Variants in PCDH15 observed in about 807,000 individuals in gnomAD.
PCDH15 encodes the protein protocadherin related 15, also known as protocadherin-15.
PCDH15 carries 129 observed loss-of-function variants against 178.5 expected under a neutral mutation model. The ratio of observed to expected loss-of-function variants is 0.72; its 90% CI spans 0.63 to 0.84. The LOEUF (loss-of-function observed/expected upper bound fraction) is 0.84. Ranked by LOEUF, PCDH15 falls within the 40% of genes least tolerant of loss-of-function variation. The probability of loss-of-function intolerance (pLI) is 0.00; values close to 1 mark genes in which losing one functional copy is unlikely to be tolerated. For missense variants in PCDH15, 2,230 were observed against 2,099.9 expected, an observed-to-expected ratio of 1.06 and a Z score of -1.21; for synonymous variants, 800 against 732.0, an observed-to-expected ratio of 1.09 and a Z score of -1.50.
At chr10:54,708,992 T>C (rs561254852) in intron 1 of PCDH15, among the ~76,000 whole-genome samples, 1 of 152,292 alleles carries the variant, frequency 6.6e-6, no homozygotes, top group East Asian at 1.9e-4. Context: ...GAGTTAGACA[T>C]CATGTTGTAA....
chr10:54,177,380 T>G (rs1263119431), intron 13 of PCDH15, among the ~76,000 whole-genome samples: 1 of 152,048 alleles, frequency 6.6e-6, no homozygotes, highest in Non-Finnish European at 1.5e-5. Context: ...TACAAAACCA[T>G]AAAATGAAGC....
rs12569578 is a variant in PCDH15 at position 55,408,518 on chromosome 10, T to C, written c.-156+219107A>G. The stretch of plus-strand genomic sequence containing the variant: ...ATTCTAAATTTGGTAAAGAACAATA[T>C]GAGACAAAGGAAAACACAGGCTCAA... On this transcript the variant is annotated intron_variant, in intron 2 of 5. Coordinates refer to the PCDH15 transcript ENST00000613346. 2.7e-3 allele frequency among the ~76,000 whole-genome samples: 413 copies of C among 152,208 alleles called. 9 individuals are homozygous for C. The East Asian group carries it at 0.049, about 18-fold the overall frequency.
intron 2 of PCDH15, among the ~76,000 whole-genome samples, chr10:54,950,153 T>C (rs1838301534): frequency 1.3e-5 from 2 of 152,020 alleles, no homozygotes; most frequent in South Asian, 4.1e-4. Context: ...GGGTAATTTA[T>C]AAAGAAAAGA....
chr10:53,859,462 T>C (rs1290968855), intron 27 of PCDH15, among the ~76,000 whole-genome samples: 1 of 152,156 alleles, frequency 6.6e-6, no homozygotes, highest in African/African-American at 2.4e-5. Flanking sequence ...ACTGTCCTCT[T>C]CTCACATGTC....
chr10:54,283,498 G>A (rs1327341118), intron 8 of PCDH15, among the ~76,000 whole-genome samples: 2 of 152,208 alleles, frequency 1.3e-5, no homozygotes, highest in East Asian at 1.9e-4. Flanking sequence ...AGAGCACTGA[G>A]ATTTTAAAAC....
intron 18 of PCDH15, among the ~76,000 whole-genome samples, chr10:54,025,998 T>A (rs1002263978): frequency 1.3e-5 from 2 of 152,142 alleles, no homozygotes; most frequent in African/African-American, 2.4e-5. Context: ...CCTTGATATA[T>A]GTGTGTGCAC....
intron 2 of PCDH15, among the ~76,000 whole-genome samples, chr10:55,159,457 G>T (rs1432063016): frequency 6.9e-6 from 1 of 145,174 alleles, no homozygotes; most frequent in Admixed American, 7.0e-5. Flanking sequence ...ACTATACAAA[G>T]ATCTCTCTCT....
intron 18 of PCDH15, among the ~76,000 whole-genome samples, chr10:54,059,510 T>G (rs1231771124): frequency 2.0e-5 from 3 of 152,246 alleles, no homozygotes; most frequent in African/African-American, 7.2e-5. Flanking sequence ...TTTCTCTCTT[T>G]CTTACATATA....
At chr10:55,179,112 T>A (rs1186507844) in intron 1 of PCDH15, among the ~76,000 whole-genome samples, 1 of 152,142 alleles carries the variant, frequency 6.6e-6, no homozygotes, top group Non-Finnish European at 1.5e-5. Flanking sequence ...CTAAAGGCCA[T>A]CAAACTCCAA....
intron 2 of PCDH15, among the ~76,000 whole-genome samples, chr10:55,140,182 C>A (rs985523397): frequency 4.0e-5 from 6 of 151,828 alleles, no homozygotes; most frequent in African/African-American, 1.4e-4. Flanking sequence ...TTTGTAGATT[C>A]TTTAAGAGTT....
At chr10:54,563,344 G>A (rs2133402545) in intron 2 of PCDH15, among the ~76,000 whole-genome samples, 1 of 152,176 alleles carries the variant, frequency 6.6e-6, no homozygotes, top group Admixed American at 6.5e-5. Flanking sequence ...CTTTTCCTCT[G>A]GTGGGTTTGT....
At chr10:55,565,551 C>T (rs1036652079) in intron 2 of PCDH15, among the ~76,000 whole-genome samples, 1 of 151,146 alleles carries the variant, frequency 6.6e-6, no homozygotes, top group Non-Finnish European at 1.5e-5. Context: ...ACAATGAAAC[C>T]AAAAGTTGGT....
chr10:54,213,123 T>C (rs773869690), intron 10 of PCDH15, among the ~76,000 whole-genome samples: 2 of 143,410 alleles, frequency 1.4e-5, no homozygotes, highest in Non-Finnish European at 3.0e-5. Flanking sequence ...CATGCTTAAA[T>C]ATGAGAGAGT....
intron 2 of PCDH15, among the ~76,000 whole-genome samples, chr10:55,101,326 G>A (rs2132046084): frequency 6.6e-6 from 1 of 151,768 alleles, no homozygotes; most frequent in East Asian, 1.9e-4. Context: ...AGTTTACAGT[G>A]ATCAGTGAGC....
At chr10:53,841,443 G>T (rs76332863) in intron 28 of PCDH15, among the ~76,000 whole-genome samples, 1,872 of 152,122 alleles carry the variant, frequency 0.012, 21 homozygotes, top group South Asian at 0.034. Context: ...AATAACTTTT[G>T]CTTCTAATGC....
At chr10:54,168,543 C>T (rs913758364) in intron 13 of PCDH15, among the ~76,000 whole-genome samples, 1 of 152,188 alleles carries the variant, frequency 6.6e-6, no homozygotes, top group Non-Finnish European at 1.5e-5. Flanking sequence ...CTTACAGTTT[C>T]GTTCCGTGAC....
chr10:55,271,984 T>G (rs1842456949), intron 1 of PCDH15, among the ~76,000 whole-genome samples: 1 of 152,122 alleles, frequency 6.6e-6, no homozygotes, highest in African/African-American at 2.4e-5. Flanking sequence ...GAATAAAGAA[T>G]TTATCTAGAC....
intron 13 of PCDH15, among the ~76,000 whole-genome samples, chr10:54,173,998 A>G (rs941836359): frequency 1.3e-5 from 2 of 152,182 alleles, no homozygotes; most frequent in African/African-American, 4.8e-5. Flanking sequence ...AAATAAGAGA[A>G]AGATAAAATG....
At chr10:55,447,528 C>T (rs1839344143) in intron 2 of PCDH15, among the ~76,000 whole-genome samples, 1 of 151,884 alleles carries the variant, frequency 6.6e-6, no homozygotes, top group Non-Finnish European at 1.5e-5. Context: ...ATGCTTCAGG[C>T]TTAATGAGCA....
Sources: allele counts gnomAD v4.1 joint callset (sites outside exome capture counted in the v4.1 genomes callset), GRCh38; gene constraint gnomAD v4.1.1; transcripts MANE v1.5; gene names NCBI Gene and HGNC (gene_info 2026-07-23, HGNC 2026-07-21).